PGCKA1: variants seen among roughly 807,000 people sequenced by gnomAD.
PGCKA1 encodes the protein PDCD10 and GCKIII kinases associated 1.
the PGCKA1 span, among the ~76,000 whole-genome samples, chr4:37,457,456 G>A: frequency 4.6e-5 from 7 of 152,152 alleles, no homozygotes; most frequent in African/African-American, 1.2e-4. Context: ...ACTCATTGCC[G>A]CATGCATAGC....
the PGCKA1 span, among the ~76,000 whole-genome samples, chr4:37,484,384 C>T: frequency 8.5e-4 from 129 of 152,264 alleles, no homozygotes; most frequent in African/African-American, 2.9e-3. Flanking sequence ...ACCACGAGAA[C>T]AGTATTGGGG....
chr4:37,566,339 G>A, the PGCKA1 span, among the ~76,000 whole-genome samples: 26 of 151,488 alleles, frequency 1.7e-4, 2 homozygotes, highest in South Asian at 5.2e-3. Context: ...GGAGTGCAGT[G>A]GCCTGATCTT....
the PGCKA1 span, chr4:37,588,649 A>G: frequency 2.4e-5 from 13 of 533,846 alleles, no homozygotes; most frequent in African/African-American, 1.9e-4. Context: ...TGAACGTTTG[A>G]GAACTCTGAA....
At chr4:37,565,597 G>A in the PGCKA1 span, among the ~76,000 whole-genome samples, 1 of 152,222 alleles carries the variant, frequency 6.6e-6, no homozygotes, top group African/African-American at 2.4e-5. Flanking sequence ...TGCAGTGATT[G>A]TGTGAAGAGG....
the PGCKA1 span, among the ~76,000 whole-genome samples, chr4:37,521,035 T>A: frequency 6.6e-6 from 1 of 152,194 alleles, no homozygotes; most frequent in Non-Finnish European, 1.5e-5. Flanking sequence ...ATTGATATTT[T>A]GTATTTTTTT....
the PGCKA1 span, among the ~76,000 whole-genome samples, chr4:37,463,446 A>G: frequency 2.6e-5 from 4 of 152,178 alleles, no homozygotes; most frequent in African/African-American, 7.2e-5. Context: ...GATGCTCACC[A>G]GGATTTGGTT....
the PGCKA1 span, among the ~76,000 whole-genome samples, chr4:37,510,815 G>A: frequency 6.6e-6 from 1 of 152,012 alleles, no homozygotes; most frequent in Non-Finnish European, 1.5e-5. Context: ...TAGGCACAAT[G>A]TGGGTCCAGA....
the PGCKA1 span, among the ~76,000 whole-genome samples, chr4:37,507,916 C>T: frequency 6.6e-6 from 1 of 152,076 alleles, no homozygotes; most frequent in East Asian, 1.9e-4. Flanking sequence ...AATTTTATTT[C>T]TTCTTCATGT....
chr4:37,482,508 G>A, the PGCKA1 span, among the ~76,000 whole-genome samples: 3 of 152,210 alleles, frequency 2.0e-5, no homozygotes, highest in African/African-American at 2.4e-5. Flanking sequence ...AAAATTCTAA[G>A]CAGGAAAGCA....
the PGCKA1 span, among the ~76,000 whole-genome samples, chr4:37,573,452 C>A: frequency 1.3e-5 from 2 of 152,196 alleles, no homozygotes; most frequent in African/African-American, 2.4e-5. Context: ...AGCTGCATGC[C>A]ATCCTGCTAG....
the PGCKA1 span, among the ~76,000 whole-genome samples, chr4:37,459,602 G>T: frequency 6.6e-6 from 1 of 152,130 alleles, no homozygotes; most frequent in Non-Finnish European, 1.5e-5. Flanking sequence ...TGGACCAGCA[G>T]CATCATAACC....
At chr4:37,538,653 T>A in the PGCKA1 span, among the ~76,000 whole-genome samples, 1 of 152,338 alleles carries the variant, frequency 6.6e-6, no homozygotes, top group Non-Finnish European at 1.5e-5. Context: ...AGACTTTCCT[T>A]GCACTTTCCC....
At chr4:37,502,686 C>T in the PGCKA1 span, among the ~76,000 whole-genome samples, 10 of 152,250 alleles carry the variant, frequency 6.6e-5, no homozygotes, top group Admixed American at 3.3e-4. Context: ...ATTCACGTAC[C>T]GACACAGCAA....
At chr4:37,494,614 G>A in the PGCKA1 span, among the ~76,000 whole-genome samples, 2 of 152,166 alleles carry the variant, frequency 1.3e-5, no homozygotes, top group African/African-American at 2.4e-5. Context: ...ATGATAGAAC[G>A]ATTTATATTC....
chr4:37,542,986 C>T, the PGCKA1 span, among the ~76,000 whole-genome samples: 551 of 152,262 alleles, frequency 3.6e-3, 3 homozygotes, highest in African/African-American at 0.012. Flanking sequence ...CTGGCTCATT[C>T]AGAAGCCAGA....
the PGCKA1 span, among the ~76,000 whole-genome samples, chr4:37,541,668 C>A: frequency 6.6e-6 from 1 of 152,304 alleles, no homozygotes; most frequent in African/African-American, 2.4e-5. Context: ...AACGAAGGAA[C>A]AGAGAGGTTT....
chr4:37,501,395 G>A, the PGCKA1 span, among the ~76,000 whole-genome samples: 2 of 152,136 alleles, frequency 1.3e-5, no homozygotes, highest in African/African-American at 4.8e-5. Flanking sequence ...CACATGCGAG[G>A]GATCTAGGTT....
the PGCKA1 span, among the ~76,000 whole-genome samples, chr4:37,576,044 G>GT: frequency 6.6e-6 from 1 of 151,986 alleles, no homozygotes; most frequent in Non-Finnish European, 1.5e-5. Flanking sequence ...CTTCCATTTT[G>GT]TTTTTTTCGC....
At chr4:37,508,087 C>T in the PGCKA1 span, among the ~76,000 whole-genome samples, 1 of 152,052 alleles carries the variant, frequency 6.6e-6, no homozygotes, top group African/African-American at 2.4e-5. Context: ...GTTTCTGTTT[C>T]TTTTCTCTTG....
Sources: gnomAD v4.1 joint callset for allele counts (sites outside exome capture counted in the v4.1 genomes callset) on GRCh38, gnomAD v4.1.1 for gene constraint, MANE v1.5 for transcripts, NCBI Gene and HGNC (gene_info 2026-07-23, HGNC 2026-07-21) for gene names.